Variants in CLYBL observed in about 807,000 individuals in gnomAD.
CLYBL encodes citramalyl-CoA lyase, mitochondrial.
A neutral mutation model predicts 38.9 loss-of-function variants in CLYBL; 31 were observed. The observed-to-expected ratio is 0.80, with a 90% CI of 0.60 to 1.08. CLYBL has a LOEUF of 1.08. Among genes scored for constraint, CLYBL ranks in the 50% least tolerant of loss-of-function variants. The pLI, the probability that CLYBL is intolerant of heterozygous loss-of-function variation, is 0.00. For missense variants in CLYBL, 434 were observed against 411.6 expected (o/e 1.05, Z -0.47); for synonymous variants, 171 against 158.6 (o/e 1.08, Z -0.59).
intron 1 of CLYBL, among the ~76,000 whole-genome samples, chr13:99,730,444 G>C (rs965588215): frequency 2.7e-5 from 4 of 148,232 alleles, no homozygotes; most frequent in African/African-American, 9.7e-5. Context: ...CGTCCTGGCT[G>C]ACTGGCCTCT....
At chr13:99,612,538 C>T (rs1019490395) in intron 1 of CLYBL, among the ~76,000 whole-genome samples, 3 of 151,966 alleles carry the variant, frequency 2.0e-5, no homozygotes, top group Admixed American at 6.6e-5. Context: ...CAGGCATTAG[C>T]CACCATGTCT....
intron 1 of CLYBL, among the ~76,000 whole-genome samples, chr13:99,682,462 C>T (rs1284343296): frequency 1.3e-5 from 2 of 151,884 alleles, no homozygotes; most frequent in Admixed American, 6.6e-5. Flanking sequence ...ATTTCTATAT[C>T]TAAACATATA....
At chr13:99,676,553 G>A (rs562880087) in intron 1 of CLYBL, among the ~76,000 whole-genome samples, 41 of 149,756 alleles carry the variant, frequency 2.7e-4, no homozygotes, top group Non-Finnish European at 4.6e-4. Flanking sequence ...GCCTCCCAAA[G>A]TGCTGGGATT....
At chr13:99,739,985 CA>C (rs368060644) in intron 1 of CLYBL, among the ~76,000 whole-genome samples, 2 of 146,342 alleles carry the variant, frequency 1.4e-5, no homozygotes, top group Admixed American at 6.7e-5. Context: ...GAAAAAAAAA[CA>C]AAAAAACAAA....
chr13:99,765,519 G>A (rs2049251740), intron 1 of CLYBL, among the ~76,000 whole-genome samples: 1 of 151,720 alleles, frequency 6.6e-6, no homozygotes. Flanking sequence ...CCTTGCACTT[G>A]CTCAACTCCC....
intron 1 of CLYBL, among the ~76,000 whole-genome samples, chr13:99,637,961 C>CTTTTTTTT (rs1566595642): frequency 5.6e-5 from 3 of 53,688 alleles, no homozygotes; most frequent in African/African-American, 1.6e-4. Context: ...GTCAACAGTG[C>CTTTTTTTT]CTTTTTTTTT....
chr13:99,691,179 T>C (rs1395479324), intron 1 of CLYBL, among the ~76,000 whole-genome samples: 2 of 152,216 alleles, frequency 1.3e-5, no homozygotes, highest in African/African-American at 4.8e-5. Flanking sequence ...CATAAAAATG[T>C]GTAAGCACTG....
intron 2 of CLYBL, among the ~76,000 whole-genome samples, chr13:99,813,142 G>GAA (rs200648542): frequency 1.3e-5 from 2 of 149,246 alleles, no homozygotes; most frequent in Non-Finnish European, 3.0e-5. Flanking sequence ...TTTGTCTCAG[G>GAA]AAAAAAAAAT....
chr13:99,633,745 G>A (rs73562277), intron 1 of CLYBL, among the ~76,000 whole-genome samples: 26,418 of 151,992 alleles, frequency 0.17, 2,508 homozygotes, highest in African/African-American at 0.24. Flanking sequence ...TATGAAAAGA[G>A]AGGTGAAAAT....
intron 2 of CLYBL, among the ~76,000 whole-genome samples, chr13:99,807,493 G>C (rs2050255297): frequency 6.6e-6 from 1 of 152,120 alleles, no homozygotes; most frequent in Admixed American, 6.5e-5. Context: ...TTTTTAAAAA[G>C]GAAAGATCTT....
chr13:99,757,230 T>G (rs1030006001), intron 1 of CLYBL, among the ~76,000 whole-genome samples: 1 of 151,942 alleles, frequency 6.6e-6, no homozygotes, highest in Non-Finnish European at 1.5e-5. Context: ...ATCAAAATAC[T>G]TTTCTTTAAA....
intron 3 of CLYBL, among the ~76,000 whole-genome samples, chr13:99,861,533 T>A (rs1051090127): frequency 3.3e-5 from 5 of 152,232 alleles, no homozygotes; most frequent in African/African-American, 9.6e-5. Flanking sequence ...TATATTTTAT[T>A]TTCATCTACA....
intron 2 of CLYBL, among the ~76,000 whole-genome samples, chr13:99,797,143 T>C (rs2050037618): frequency 1.3e-5 from 2 of 152,194 alleles, no homozygotes; most frequent in Admixed American, 1.3e-4. Context: ...TGCCCCACTT[T>C]GGGAGTTATA....
At chr13:99,757,165 G>T (rs2049078190) in intron 1 of CLYBL, among the ~76,000 whole-genome samples, 1 of 152,182 alleles carries the variant, frequency 6.6e-6, no homozygotes, top group Admixed American at 6.5e-5. Flanking sequence ...TTCCCAAAGT[G>T]CTGGCATTAC....
At chr13:99,854,206 T>C (rs1330572181) in intron 2 of CLYBL, among the ~76,000 whole-genome samples, 1 of 152,138 alleles carries the variant, frequency 6.6e-6, no homozygotes, top group Admixed American at 6.6e-5. Flanking sequence ...GTCTCTGCCA[T>C]TTCCTCTGAA....
chr13:99,765,495 A>G (rs2049251091), intron 1 of CLYBL, among the ~76,000 whole-genome samples: 1 of 151,626 alleles, frequency 6.6e-6, no homozygotes, highest in South Asian at 2.1e-4. Flanking sequence ...TTTTTTTTGA[A>G]TAAGCTTTCT....
In CLYBL at chr13:99,869,026, A is replaced by C. The variant is rs1394397825; in HGVS notation, c.803-1912A>C. Among the ~76,000 whole-genome samples the C allele has an allele frequency of 6.6e-6, 1 of 152,204 alleles. No individual in the cohort carries two copies. The highest frequency in any genetic ancestry group is 1.5e-5 in the Non-Finnish European group (1 of 68,022). Reference sequence around the variant, plus strand: ...TTTTGCACCCTCTCAGTAACTTGTCAATAACAACTCTTTTGTATAAAATAT... The same window carrying C: ...TTTTGCACCCTCTCAGTAACTTGTCCATAACAACTCTTTTGTATAAAATAT... On this transcript the variant is annotated intron_variant, in intron 6 of 8. Transcript: ENST00000339105. The surrounding 1 kb of genome is among the most constrained non-coding windows in gnomAD (Gnocchi z 4.3).
intron 1 of CLYBL, among the ~76,000 whole-genome samples, chr13:99,687,714 C>T (rs1172813666): frequency 6.6e-6 from 1 of 152,230 alleles, no homozygotes; most frequent in Non-Finnish European, 1.5e-5. Context: ...ATCTTCATTA[C>T]ATACCTGGTC....
chr13:99,807,174 C>A (rs936830909), intron 2 of CLYBL, among the ~76,000 whole-genome samples: 1 of 152,230 alleles, frequency 6.6e-6, no homozygotes, highest in Non-Finnish European at 1.5e-5. Flanking sequence ...CTGCAAACCA[C>A]AACCCACTGA....
Sources: allele counts gnomAD v4.1 joint callset (sites outside exome capture counted in the v4.1 genomes callset), GRCh38; gene constraint gnomAD v4.1.1; non-coding constraint Gnocchi (gnomAD v3.1); transcripts MANE v1.5; gene names NCBI Gene and HGNC (gene_info 2026-07-23, HGNC 2026-07-21).